The following TASP1 variants were observed in gnomAD, a reference collection of about 807,000 sequenced individuals.
TASP1 encodes the protein threonine aspartase 1.
TASP1 carries 16 observed loss-of-function variants against 56.6 expected under a neutral mutation model. That is an observed-to-expected ratio of 0.28 (90% CI 0.19 to 0.43). The LOEUF (loss-of-function observed/expected upper bound fraction) is 0.43. TASP1 is among the 20% of genes least tolerant of loss of function. The pLI, the probability that TASP1 is intolerant of heterozygous loss-of-function variation, is 1.00. For missense variants in TASP1, 393 were observed against 511.6 expected, an observed-to-expected ratio of 0.77 and a Z score of 2.24; for synonymous variants, 179 against 184.2, an observed-to-expected ratio of 0.97 and a Z score of 0.23.
intron 11 of TASP1, among the ~76,000 whole-genome samples, chr20:13,471,283 A>G (rs185349558): frequency 4.8e-4 from 73 of 152,242 alleles, no homozygotes; most frequent in Non-Finnish European, 6.0e-4. Context: ...TAAATCATGG[A>G]AGACAACCCC....
the TASP1 span, among the ~76,000 whole-genome samples, chr20:13,325,483 G>A: frequency 6.6e-6 from 1 of 151,892 alleles, no homozygotes; most frequent in African/African-American, 2.4e-5. Flanking sequence ...AGGGTCCACA[G>A]TTTCTGCTAC....
chr20:13,341,309 C>T, the TASP1 span, among the ~76,000 whole-genome samples: 1 of 152,278 alleles, frequency 6.6e-6, no homozygotes, highest in African/African-American at 2.4e-5. Flanking sequence ...GGAGAGTATG[C>T]CACAAATGTG....
At chr20:13,332,811 TC>T in the TASP1 span, among the ~76,000 whole-genome samples, 1 of 152,246 alleles carries the variant, frequency 6.6e-6, no homozygotes. Context: ...GCCATTTTCT[TC>T]TTTCTGCATT....
the TASP1 span, among the ~76,000 whole-genome samples, chr20:13,228,811 T>C: frequency 6.6e-6 from 1 of 152,248 alleles, no homozygotes; most frequent in African/African-American, 2.4e-5. Flanking sequence ...CTATCTTTCA[T>C]GTCTCTGAAT....
chr20:13,175,782 T>A, the TASP1 span, among the ~76,000 whole-genome samples: 1 of 152,178 alleles, frequency 6.6e-6, no homozygotes, highest in African/African-American at 2.4e-5. Context: ...TCCACTGGGT[T>A]CCCCACTGAG....
chr20:13,569,585 A>T lies in TASP1; in HGVS notation c.490T>A (p.Phe164Ile), dbSNP rs372001284. The T allele has an allele frequency of 6.2e-7, 1 of 1,611,128 alleles. No homozygotes were observed. Among genetic ancestry groups the T allele is most frequent in the African/African-American group, 1.3e-5 (1 of 74,870 alleles). Residue 164 changes from phenylalanine (F) to isoleucine (I), a missense_variant and splice_region_variant, in exon 7 of 14, where the codon TTT (phenylalanine) becomes ATT (isoleucine). Around this residue, in one of 3 missense-constraint regions of TASP1, gnomAD observed 293 missense variants for 354.2 expected, o/e 0.83. Coordinates refer to ENST00000337743, the MANE Select transcript of TASP1 (RefSeq NM_017714.3). ...CTGTAGGCTCCTTCTCCAACTAAAA[A>T]GCTAACAACAGAAAAATTATTTTTA... The part of the protein sequence containing the change: ...KLSAGRIPPC[F>I]LVGEGAYRWA...
the TASP1 span, among the ~76,000 whole-genome samples, chr20:13,175,602 T>G: frequency 1.3e-5 from 2 of 152,130 alleles, no homozygotes; most frequent in Non-Finnish European, 2.9e-5. Flanking sequence ...AAAAAAAAAT[T>G]GAAGTACTCT....
chr20:13,310,288 T>C, the TASP1 span, among the ~76,000 whole-genome samples: 1 of 152,196 alleles, frequency 6.6e-6, no homozygotes, highest in African/African-American at 2.4e-5. Flanking sequence ...TGTGGTCAAC[T>C]GATCTTTGAC....
chr20:13,262,539 T>A, the TASP1 span, among the ~76,000 whole-genome samples: 21 of 151,996 alleles, frequency 1.4e-4, no homozygotes, highest in African/African-American at 5.1e-4. Flanking sequence ...CTTGAAAGAA[T>A]AATTTATCCT....
chr20:13,385,089 C>G (rs1481848227), downstream of TASP1, among the ~76,000 whole-genome samples: 2 of 152,190 alleles, frequency 1.3e-5, no homozygotes, highest in Non-Finnish European at 2.9e-5. Context: ...TTATGAACAG[C>G]CAGACTTGAG....
chr20:13,127,492 T>C, the TASP1 span, among the ~76,000 whole-genome samples: 45 of 152,340 alleles, frequency 3.0e-4, no homozygotes, highest in African/African-American at 1.0e-3. Context: ...AAGTCCTACA[T>C]TGTTTAATGC....
the TASP1 span, among the ~76,000 whole-genome samples, chr20:13,139,060 G>A: frequency 8.5e-5 from 13 of 152,272 alleles, no homozygotes; most frequent in East Asian, 1.9e-4. Context: ...GGAGGGTAGC[G>A]TGATTCTTAA....
intron 10 of TASP1, among the ~76,000 whole-genome samples, chr20:13,483,925 T>C (rs1368177788): frequency 4.6e-5 from 7 of 152,160 alleles, no homozygotes; most frequent in Non-Finnish European, 1.5e-5. Context: ...AAAGGGCTAA[T>C]ATCCAGAATC....
At chr20:13,221,850 G>C in the TASP1 span, 2 of 1,440,566 alleles carry the variant, frequency 1.4e-6, no homozygotes, top group Non-Finnish European at 1.8e-6. Context: ...ACCGTGCTGC[G>C]CGGCTCGGGA....
intron 4 of TASP1, among the ~76,000 whole-genome samples, chr20:13,595,312 T>C (rs549059379): frequency 7.7e-4 from 117 of 152,264 alleles, no homozygotes; most frequent in African/African-American, 2.8e-3. Flanking sequence ...GAAGAAACTG[T>C]ATCAATTAAC....
chr20:13,157,434 T>G, the TASP1 span, among the ~76,000 whole-genome samples: 4 of 151,928 alleles, frequency 2.6e-5, no homozygotes, highest in South Asian at 4.2e-4. Context: ...TGAAACTCCA[T>G]GTCAAAAAAA....
the TASP1 span, among the ~76,000 whole-genome samples, chr20:13,241,396 G>A: frequency 3.3e-5 from 5 of 152,320 alleles, no homozygotes; most frequent in South Asian, 4.1e-4. Context: ...TGATGAGAAC[G>A]ATCCAATAGA....
intron 10 of TASP1, 143 bp from the exon 11 acceptor site, chr20:13,483,480 A>G: frequency 2.0e-6 from 1 of 491,520 alleles, no homozygotes; most frequent in Non-Finnish European, 3.6e-6. Flanking sequence ...AATGACTTCC[A>G]TGAGCAATCT....
rs1391137836 is a variant in TASP1, at chr20:13,514,434, G to C, written c.874+13999C>G. Among the ~76,000 whole-genome samples, 2 of 152,102 alleles carry C rather than the reference G, an allele frequency of 1.3e-5. No homozygotes were observed. The highest frequency in any genetic ancestry group is 3.9e-4 in the East Asian group (2 of 5,192). On this transcript the variant is annotated intron_variant, in intron 10 of 13. Transcript: ENST00000337743. ...GAAGTGAGAACATCCATGATAATTA[G>C]CATAGCTGTGTGTTTCTCCTCCATA...
Sources: allele counts gnomAD v4.1 joint callset (sites outside exome capture counted in the v4.1 genomes callset), GRCh38; gene constraint gnomAD v4.1.1; regional missense constraint gnomAD v4.1.1; transcripts MANE v1.5; gene names NCBI Gene and HGNC (gene_info 2026-07-23, HGNC 2026-07-21).